Variants in IL1RAPL2 observed in about 807,000 individuals in gnomAD.
The protein encoded by IL1RAPL2 is interleukin 1 receptor accessory protein like 2, also known as X-linked interleukin-1 receptor accessory protein-like 2.
A neutral mutation model predicts 44.1 loss-of-function variants in IL1RAPL2; 3 were observed. The ratio of observed to expected loss-of-function variants is 0.07; its 90% confidence interval spans 0.03 to 0.18. IL1RAPL2 has a LOEUF of 0.18. Among genes scored for constraint, IL1RAPL2 ranks in the 10% least tolerant of loss-of-function variants. IL1RAPL2 has a pLI of 1.00. For synonymous variants in IL1RAPL2, 181 were observed against 178.8 expected, an observed-to-expected ratio of 1.01 and a Z score of -0.10; for missense variants, 391 against 496.4, an observed-to-expected ratio of 0.79 and a Z score of 2.02.
chrX:105,313,966 G>A (rs1276417298), intron 5 of IL1RAPL2, among the ~76,000 whole-genome samples: 1 of 111,384 alleles, frequency 9.0e-6, no homozygotes, highest in Admixed American at 9.6e-5. Flanking sequence ...GCATCAGCAA[G>A]GATTATGTAG....
chrX:104,762,423 A>G (rs1365009517), intron 2 of IL1RAPL2, among the ~76,000 whole-genome samples: 2 of 112,074 alleles, frequency 1.8e-5, no homozygotes, highest in African/African-American at 3.2e-5. Flanking sequence ...TGCAGGGTAC[A>G]GCCCCTCTCC....
intron 2 of IL1RAPL2, among the ~76,000 whole-genome samples, chrX:104,843,294 G>A (rs1190449820): frequency 2.7e-5 from 3 of 111,802 alleles, no homozygotes; most frequent in Non-Finnish European, 5.6e-5. Flanking sequence ...CCAGACTTCT[G>A]CACTGGCTGT....
chrX:104,890,070 A>C (rs1015682482), intron 2 of IL1RAPL2, among the ~76,000 whole-genome samples: 15 of 110,857 alleles, frequency 1.4e-4, no homozygotes, highest in Non-Finnish European at 2.8e-4. Flanking sequence ...TGTCCTTGCG[A>C]TAGTTTGCTG....
intron 5 of IL1RAPL2, among the ~76,000 whole-genome samples, chrX:105,387,059 T>C (rs967442393): frequency 3.6e-5 from 4 of 111,714 alleles, no homozygotes; most frequent in African/African-American, 1.3e-4. Context: ...TATGCACTTA[T>C]GTGCACTTAC....
chrX:104,957,556 A>G (rs889500605), intron 2 of IL1RAPL2, among the ~76,000 whole-genome samples: 2 of 112,086 alleles, frequency 1.8e-5, no homozygotes, highest in Non-Finnish European at 3.8e-5. Context: ...CCATGGAAAC[A>G]TCCCACTTGC....
intron 6 of IL1RAPL2, among the ~76,000 whole-genome samples, chrX:105,642,495 A>G (rs904067152): frequency 8.9e-6 from 1 of 111,875 alleles, no homozygotes; most frequent in Non-Finnish European, 1.9e-5. Flanking sequence ...TTTCAAATGA[A>G]TTATCCCTCA....
intron 2 of IL1RAPL2, among the ~76,000 whole-genome samples, chrX:105,042,670 C>T (rs1347251973): frequency 5.9e-5 from 6 of 102,291 alleles, no homozygotes; most frequent in Non-Finnish European, 8.0e-5. Flanking sequence ...GTCAGTGTGG[C>T]GATTCCTCAG....
intron 5 of IL1RAPL2, among the ~76,000 whole-genome samples, chrX:105,436,239 G>A (rs995499626): frequency 2.7e-5 from 3 of 110,397 alleles, no homozygotes; most frequent in Non-Finnish European, 3.8e-5. Flanking sequence ...TTACCAAGGG[G>A]TTAAGGGAGA....
Position 105,681,392 on chromosome X carries a change from G to A in IL1RAPL2, c.773-35975G>A, listed in dbSNP as rs114620464. 4.6e-3 allele frequency among the ~76,000 whole-genome samples: 517 copies of A among 111,700 alleles called. 5 individuals carry two copies. Among genetic ancestry groups the A allele is most frequent in the African/African-American group, 0.016 (492 of 30,726 alleles). ...TATCATGTTCTGAGCCCCAACAATAGCATAAAAGACAAAGGACTTCCTTAT... is the reference window on the plus strand; with the variant it reads ...TATCATGTTCTGAGCCCCAACAATAACATAAAAGACAAAGGACTTCCTTAT... On this transcript the variant is annotated intron_variant, in intron 6 of 10. Coordinates refer to ENST00000372582, the MANE Select transcript of IL1RAPL2 (RefSeq NM_017416.2).
intron 6 of IL1RAPL2, among the ~76,000 whole-genome samples, chrX:105,707,084 A>G (rs1013899590): frequency 9.0e-6 from 1 of 111,705 alleles, no homozygotes; most frequent in Non-Finnish European, 1.9e-5. Context: ...GTAGATTGGT[A>G]TCACCTGAAT....
intron 5 of IL1RAPL2, among the ~76,000 whole-genome samples, chrX:105,274,100 C>T (rs887907031): frequency 8.0e-5 from 9 of 112,056 alleles, no homozygotes; most frequent in South Asian, 3.7e-4. Flanking sequence ...ATATTGGACA[C>T]GATGTCTATC....
Position 105,748,985 on chromosome X carries a change from A to C in IL1RAPL2, c.1074A>C (p.Ala358=), listed in dbSNP as rs140513898. The C allele has an allele frequency of 7.5e-6, 9 of 1,207,823 alleles. No individual in the cohort carries two copies. The African/African-American group carries it at 1.6e-4, about 21-fold the overall frequency. The change falls in exon 9 of 11, where the codon GCA becomes GCC. Residue 358 remains alanine (A), a synonymous_variant. Transcript: ENST00000372582. The part of the protein sequence containing the change: ...KKDLIYKIEL[A]GGLGAIFLLL... The stretch of plus-strand genomic sequence containing the variant: ...ATTTAATCTATAAAATTGAGCTTGC[A>C]GGGGGCCTGGGAGCAATCTTCCTCC...
At chrX:105,129,446 T>A (rs1350751045) in intron 2 of IL1RAPL2, among the ~76,000 whole-genome samples, 1 of 110,961 alleles carries the variant, frequency 9.0e-6, no homozygotes, top group African/African-American at 3.3e-5. Flanking sequence ...ATGTAAATTT[T>A]GAAGGGACAT....
chrX:105,146,535 T>G (rs766736611), intron 2 of IL1RAPL2, among the ~76,000 whole-genome samples: 1 of 111,884 alleles, frequency 8.9e-6, no homozygotes, highest in Non-Finnish European at 1.9e-5. Flanking sequence ...AGTAACTTAA[T>G]TTTTTAAAAA....
At chrX:105,642,918 T>C (rs1028165059) in intron 6 of IL1RAPL2, among the ~76,000 whole-genome samples, 1 of 113,087 alleles carries the variant, frequency 8.8e-6, no homozygotes, top group African/African-American at 3.2e-5. Flanking sequence ...TCATATGCTT[T>C]GCTCAAAACA....
intron 2 of IL1RAPL2, among the ~76,000 whole-genome samples, chrX:105,005,522 G>C (rs969084666): frequency 1.2e-4 from 13 of 111,175 alleles, no homozygotes; most frequent in African/African-American, 4.2e-4. Flanking sequence ...GTGAAGCACT[G>C]CTCCATTGCA....
In IL1RAPL2 at chrX:104,824,905, T is replaced by A. The variant is rs535615840; in HGVS notation, c.82+165910T>A. 4.5e-5 allele frequency among the ~76,000 whole-genome samples: 5 copies of A among 112,117 alleles called. No individual in the cohort carries two copies. In the East Asian group the frequency reaches 1.1e-3, roughly 25 times the overall value. On this transcript the variant is annotated intron_variant, in intron 2 of 10. Transcript: ENST00000372582. ...CATTCAGTTCTGCTTTGATCTTAGT[T>A]ATTTCTTTTTTTCAAATCACACTAT... is the stretch of plus-strand genomic sequence containing the variant.
At chrX:104,657,967 A>G (rs1468781172) in intron 1 of IL1RAPL2, among the ~76,000 whole-genome samples, 1 of 112,324 alleles carries the variant, frequency 8.9e-6, no homozygotes. Flanking sequence ...TTAGGAAACA[A>G]CAGATGCTGG....
chrX:105,752,764 G>A (rs897244960), intron 9 of IL1RAPL2, among the ~76,000 whole-genome samples: 1 of 112,042 alleles, frequency 8.9e-6, no homozygotes, highest in African/African-American at 3.2e-5. Context: ...GTCTACATAA[G>A]GCTGAAGTGC....
Sources: allele counts gnomAD v4.1 joint callset (sites outside exome capture counted in the v4.1 genomes callset), GRCh38; gene constraint gnomAD v4.1.1; transcripts MANE v1.5; gene names NCBI Gene and HGNC (gene_info 2026-07-23, HGNC 2026-07-21).